Variants in UGT1A1 observed in about 807,000 individuals in gnomAD.
UGT1A1 encodes UDP glucuronosyltransferase family 1 member A1.
Under a neutral mutation model 40.6 loss-of-function variants are expected in UGT1A1, and 33 were observed. The observed-to-expected ratio is 0.81, with a 90% confidence interval of 0.62 to 1.09. The LOEUF is 1.09. UGT1A1 is among the 50% of genes least tolerant of loss of function. UGT1A1 has a pLI of 0.00. For missense variants in UGT1A1, 694 were observed against 671.2 expected (o/e 1.03, Z -0.38); for synonymous variants, 249 against 265.0 (o/e 0.94, Z 0.59).
intron 4 of UGT1A1, chr2:233,771,308 TC>T (rs1375108743): frequency 6.6e-6 from 1 of 152,198 alleles, no homozygotes; most frequent in African/African-American, 2.4e-5. Context: ...CTCCTCCTTT[TC>T]CCTCTCCTCT....
Position 233,772,755 on chromosome 2 carries a change from G to A in UGT1A1, c.*196G>A, listed in dbSNP as rs997044425. On this transcript the variant is annotated 3_prime_UTR_variant, in exon 5 of 5. Transcript: ENST00000305208. Reference sequence around the variant, plus strand: ...CTAGTCAGTAAAGATATTTGAATATGTATCGTGCCCCCTCTGGTGTCTTTG... The same window carrying A: ...CTAGTCAGTAAAGATATTTGAATATATATCGTGCCCCCTCTGGTGTCTTTG... 9 of 1,407,806 alleles carry A rather than the reference G, an allele frequency of 6.4e-6. No homozygotes were observed. The African/African-American group carries it at 1.3e-4, about 20-fold the overall frequency. The allele number at this position is 1,407,806 out of a possible 1,614,324, so 87.2% of individuals were successfully genotyped here.
intron 1 of UGT1A1, 25 bp from the exon 2 acceptor site, chr2:233,767,005 TTAAC>T (rs753326341): frequency 3.7e-6 from 6 of 1,613,726 alleles, no homozygotes; most frequent in Non-Finnish European, 5.1e-6. Flanking sequence ...TGAGAAAAAA[TTAAC>T]TGAAAATTTT....
intron 4 of UGT1A1, chr2:233,771,715 T>C (rs1700358256): frequency 6.5e-6 from 1 of 152,904 alleles, no homozygotes; most frequent in African/African-American, 2.4e-5. Flanking sequence ...AAGGTTAAAA[T>C]ATTTCTAAAA....
chr2:233,762,622 T>A (rs772893097), intron 1 of UGT1A1, among the ~76,000 whole-genome samples: 3 of 152,196 alleles, frequency 2.0e-5, no homozygotes, highest in Non-Finnish European at 4.4e-5. Context: ...TGTTGTGACC[T>A]CAAACACTTC....
chr2:233,772,831 T>A lies in UGT1A1; in HGVS notation c.*272T>A. ...AGAGGACGTGCAGACAGGCTGGCATTCTAGATTACTTTTCTTACTCTGAAA... is the reference window on the plus strand; with the variant it reads ...AGAGGACGTGCAGACAGGCTGGCATACTAGATTACTTTTCTTACTCTGAAA... On this transcript the variant is annotated 3_prime_UTR_variant, in exon 5 of 5. Coordinates refer to ENST00000305208, the MANE Select transcript of UGT1A1 (RefSeq NM_000463.3). 1 of 893,950 alleles carries A rather than the reference T, an allele frequency of 1.1e-6. No individual in the cohort carries two copies. The highest frequency in any genetic ancestry group is 1.6e-6 in the Non-Finnish European group (1 of 642,656). The allele number at this position is 893,950 out of a possible 1,614,324, so 55.4% of individuals were successfully genotyped here. A position where few individuals can be genotyped will look rare whatever the true frequency, so the allele number is the denominator to read the frequency against.
At chr2:233,767,218 C>T (rs1699339085) in intron 2 of UGT1A1, 53 bp downstream of exon 2, 14 of 1,611,886 alleles carry the variant, frequency 8.7e-6, no homozygotes, top group East Asian at 2.2e-5. Context: ...GAGCGCTAAT[C>T]CCAGACTTCC....
intron 3 of UGT1A1, 134 bp from the exon 4 acceptor site, chr2:233,768,086 A>T: frequency 1.3e-6 from 2 of 1,591,428 alleles, no homozygotes; most frequent in Non-Finnish European, 8.6e-7. Flanking sequence ...ATCTCAACCC[A>T]CATTTTCTTC....
At chr2:233,765,145 T>A (rs1698762439) in intron 1 of UGT1A1, among the ~76,000 whole-genome samples, 1 of 152,138 alleles carries the variant, frequency 6.6e-6, no homozygotes, top group Admixed American at 6.5e-5. Context: ...ACATCACATG[T>A]CCTAGGGAAC....
Position 233,761,147 on chromosome 2 carries a change from C to A in UGT1A1, c.860C>A (p.Ser287Tyr). 1.9e-6 allele frequency: 3 copies of A among 1,614,204 alleles called. No individual in the cohort carries two copies. In the South Asian group the frequency reaches 3.3e-5, roughly 18 times the overall value. ...GINCLHQNPL[S>Y]QEFEAYINAS... ...AACTGCCTTCACCAAAATCCACTATCCCAGGTGTGTATTGGAGTGGGACTT... is the reference window on the plus strand; with the variant it reads ...AACTGCCTTCACCAAAATCCACTATACCAGGTGTGTATTGGAGTGGGACTT... The change falls in exon 1 of 5, where the codon TCC (serine) becomes TAC (tyrosine). Residue 287 changes from serine (S) to tyrosine (Y), a missense_variant. Ser to Tyr is a moderately radical substitution (Grantham distance 144). Transcript: ENST00000305208.
chr2:233,772,555 A>G lies in UGT1A1; in HGVS notation c.1598A>G (p.His533Arg), dbSNP rs1350310639. Reference sequence around the variant, plus strand: ...AAGAAAGCCCACAAATCCAAGACCCATTGAGAAGTGGGTGGGAAATAAGGT... The same window carrying G: ...AAGAAAGCCCACAAATCCAAGACCCGTTGAGAAGTGGGTGGGAAATAAGGT... The part of the protein sequence containing the change: ...RVKKAHKSKT[H>R] The change falls in exon 5 of 5, where the codon CAT becomes CGT. Residue 533 changes from histidine to arginine, a missense_variant. Transcript: ENST00000305208. The G allele has an allele frequency of 3.1e-6, 5 of 1,613,990 alleles. No homozygotes were observed. In the South Asian group the frequency reaches 5.5e-5, roughly 18 times the overall value.
chr2:233,773,246 T>C lies in UGT1A1; in HGVS notation c.*687T>C, dbSNP rs1484380021. 6.6e-6 allele frequency: 1 copy of C among 152,366 alleles called. No homozygotes were observed. The highest frequency in any genetic ancestry group is 6.5e-5 in the Admixed American group (1 of 15,284). The allele number at this position is 152,366 out of a possible 1,614,324, so 9.4% of individuals were successfully genotyped here. The stretch of plus-strand genomic sequence containing the variant: ...TATGAAGTGCTGGGCAAGTTTACTT[T>C]TTTTCTGATGTTTCCTACAACTAAA... On this transcript the variant is annotated 3_prime_UTR_variant, in exon 5 of 5. Coordinates refer to ENST00000305208, the MANE Select transcript of UGT1A1 (RefSeq NM_000463.3).
chr2:233,767,283 C>T (rs1575825850), intron 2 of UGT1A1, 118 bp downstream of exon 2: 2 of 1,571,702 alleles, frequency 1.3e-6, no homozygotes, highest in Non-Finnish European at 1.7e-6. Flanking sequence ...TTCCCTGCCA[C>T]TTCCCAACTA....
intron 1 of UGT1A1, among the ~76,000 whole-genome samples, chr2:233,765,473 G>A (rs1334073223): frequency 6.6e-6 from 1 of 152,142 alleles, no homozygotes; most frequent in Admixed American, 6.5e-5. Flanking sequence ...GGATGAAGCT[G>A]GAAGCCATCA....
intron 1 of UGT1A1, among the ~76,000 whole-genome samples, chr2:233,763,591 A>G (rs1698352933): frequency 6.6e-6 from 1 of 152,190 alleles, no homozygotes; most frequent in Non-Finnish European, 1.5e-5. Flanking sequence ...TCCTTTGTTA[A>G]CTAAAAATGC....
intron 1 of UGT1A1, among the ~76,000 whole-genome samples, chr2:233,764,509 G>A (rs1698579622): frequency 6.6e-6 from 1 of 152,192 alleles, no homozygotes; most frequent in Non-Finnish European, 1.5e-5. Flanking sequence ...GTTCAATTTT[G>A]TGTGAATCAC....
rs199723856 is a variant in UGT1A1, at chr2:233,772,452, G to C, written c.1495G>C (p.Val499Leu). Residue 499 changes from valine (V) to leucine (L), a missense_variant, in exon 5 of 5, where the codon GTG (valine) becomes CTG (leucine). By Grantham distance (32) the Val-to-Leu change is conservative. Coordinates refer to ENST00000305208, the MANE Select transcript of UGT1A1 (RefSeq NM_000463.3). ...LDVIGFLLAV[V>L]LTVAFITFKC... Reference sequence around the variant, plus strand: ...CGTGATTGGTTTCCTCTTGGCCGTCGTGCTGACAGTGGCCTTCATCACCTT... The same window carrying C: ...CGTGATTGGTTTCCTCTTGGCCGTCCTGCTGACAGTGGCCTTCATCACCTT... 6.2e-7 allele frequency: 1 copy of C among 1,614,176 alleles called. No homozygotes were observed. Among genetic ancestry groups the C allele is most frequent in the Non-Finnish European group, 8.5e-7 (1 of 1,180,044 alleles).
At chr2:233,771,766 C>A (rs1025155606) in intron 4 of UGT1A1, among the ~76,000 whole-genome samples, 2 of 151,968 alleles carry the variant, frequency 1.3e-5, no homozygotes, top group Admixed American at 6.6e-5. Context: ...CTTCCTCCGT[C>A]CCTCTCTCCT....
In UGT1A1 at chr2:233,772,443, T is replaced by A; in HGVS notation, c.1486T>A (p.Leu496Met). 6.2e-7 allele frequency: 1 copy of A among 1,614,238 alleles called. No homozygotes were observed. The highest frequency in any genetic ancestry group is 8.5e-7 in the Non-Finnish European group (1 of 1,180,046). ...YHSLDVIGFLLAVVLTVAFIT... is the reference protein window; with the variant it reads ...YHSLDVIGFLMAVVLTVAFIT... ...TTCCTTGGACGTGATTGGTTTCCTCTTGGCCGTCGTGCTGACAGTGGCCTT... is the reference window on the plus strand; with the variant it reads ...TTCCTTGGACGTGATTGGTTTCCTCATGGCCGTCGTGCTGACAGTGGCCTT... Residue 496 changes from leucine (L) to methionine (M), a missense_variant, in exon 5 of 5, where the codon TTG becomes ATG. Coordinates refer to ENST00000305208, the MANE Select transcript of UGT1A1 (RefSeq NM_000463.3).
rs545178357 is a variant in UGT1A1 at position 233,762,901 on chromosome 2, A to C, written c.864+1750A>C. ...TCTTATAAATTCCATGCCAAATATC[A>C]GGGCTATTGAATTTATTAGAATCTC... On this transcript the variant is annotated intron_variant, in intron 1 of 4. Coordinates refer to ENST00000305208, the MANE Select transcript of UGT1A1 (RefSeq NM_000463.3). Among the ~76,000 whole-genome samples the C allele has an allele frequency of 3.3e-5, 5 of 152,312 alleles. No homozygotes were observed. In the South Asian group the frequency reaches 1.0e-3, roughly 32 times the overall value.
Sources: gnomAD v4.1 joint callset for allele counts (sites outside exome capture counted in the v4.1 genomes callset) on GRCh38, gnomAD v4.1.1 for gene constraint, MANE v1.5 for transcripts, NCBI Gene and HGNC (gene_info 2026-07-23, HGNC 2026-07-21) for gene names.